Variants in MCTP2 observed in about 807,000 individuals in gnomAD.
MCTP2 encodes the protein multiple C2 and transmembrane domain containing 2.
MCTP2 carries 132 observed loss-of-function variants against 111.6 expected under a neutral mutation model. The ratio of observed to expected loss-of-function variants is 1.18; its 90% CI spans 1.03 to 1.37. The LOEUF (loss-of-function observed/expected upper bound fraction) is 1.37. Among genes scored for constraint, MCTP2 ranks in the 40% most tolerant of loss-of-function variants. The pLI, the probability that MCTP2 is intolerant of heterozygous loss-of-function variation, is 0.00. For synonymous variants in MCTP2, 395 were observed against 387.7 expected (o/e 1.02, Z -0.22); for missense variants, 1,183 against 1,067.9 (o/e 1.11, Z -1.50).
chr15:94,411,428 G>A (rs922163214), intron 17 of MCTP2, among the ~76,000 whole-genome samples: 8 of 152,120 alleles, frequency 5.3e-5, no homozygotes, highest in African/African-American at 9.7e-5. Flanking sequence ...CTTGGCAAGC[G>A]GAGGGCCCTT....
In MCTP2 at chr15:94,236,377, C is replaced by CTTTTTTTTTTTTTTTTTTTTTTTTT. The variant is rs71132992; in HGVS notation, c.-66+4717_-66+4741dup. Among the ~76,000 whole-genome samples the CTTTTTTTTTTTTTTTTTTTTTTTTT allele has an allele frequency of 2.8e-5, 2 of 72,464 alleles. 1 individual carries two copies. Among genetic ancestry groups the CTTTTTTTTTTTTTTTTTTTTTTTTT allele is most frequent in the Non-Finnish European group, 5.1e-5 (2 of 39,430 alleles). 47.5% of individuals were successfully genotyped at this position (72,464 alleles called of 152,430 possible). A position where few individuals can be genotyped will look rare whatever the true frequency, so the allele number is the denominator to read the frequency against. On this transcript the variant is annotated intron_variant, in intron 1 of 22. Transcript: ENST00000357742. ...TATGATTCAATCCTTTCTTTTTTTT[C>CTTTTTTTTTTTTTTTTTTTTTTTTT]TTTTTTTTTTTTTTTTTTTTTTTTT...
intron 1 of MCTP2, among the ~76,000 whole-genome samples, chr15:94,296,617 C>A (rs758796769): frequency 1.3e-5 from 2 of 152,144 alleles, no homozygotes; most frequent in East Asian, 1.9e-4. Context: ...GATAGAGACA[C>A]CTTTCTGTGT....
At chr15:94,444,733 G>A (rs1042021820) in intron 19 of MCTP2, among the ~76,000 whole-genome samples, 2 of 152,218 alleles carry the variant, frequency 1.3e-5, no homozygotes, top group Non-Finnish European at 2.9e-5. Flanking sequence ...CAGGGACAAA[G>A]AACAAGCATA....
Position 94,245,270 on chromosome 15 carries a change from A to G in MCTP2, c.-66+13606A>G, listed in dbSNP as rs1331079366. 2.9e-5 allele frequency among the ~76,000 whole-genome samples: 4 copies of G among 136,918 alleles called. No individual in the cohort carries two copies. In the South Asian group the frequency reaches 6.6e-4, roughly 23 times the overall value. 89.8% of individuals were successfully genotyped at this position (136,918 alleles called of 152,430 possible). ...CACATATGTATATATACATATGTGT[A>G]TATACGTATATACACATATGTATAT... On this transcript the variant is annotated intron_variant, in intron 1 of 22. Coordinates refer to ENST00000357742, the MANE Select transcript of MCTP2 (RefSeq NM_001385001.1).
intron 2 of MCTP2, among the ~76,000 whole-genome samples, chr15:94,302,404 G>A (rs1313668745): frequency 6.6e-6 from 1 of 152,210 alleles, no homozygotes; most frequent in Non-Finnish European, 1.5e-5. Flanking sequence ...TGGGGAATTG[G>A]AATGATGGGG....
At position 94,315,590 on chromosome 15, in the gene MCTP2, C is replaced by G. The variant is rs913169805; in HGVS notation, c.590C>G (p.Thr197Ser). 6.2e-7 allele frequency: 1 copy of G among 1,614,140 alleles called. No individual in the cohort carries two copies. The highest frequency in any genetic ancestry group is 1.3e-5 in the African/African-American group (1 of 75,026). Reference sequence around the variant, plus strand: ...CCCAGCCCTTTTGCGTACCTCCTCACCATACACCTGAAGGAAGGCCGGAAC... The same window carrying G: ...CCCAGCCCTTTTGCGTACCTCCTCAGCATACACCTGAAGGAAGGCCGGAAC... ...NLPSPFAYLL[T>S]IHLKEGRNLV... Residue 197 changes from threonine to serine, a missense_variant, in exon 4 of 23, where the codon ACC becomes AGC. Thr to Ser is a moderately conservative substitution (Grantham distance 58, BLOSUM62 1). Coordinates refer to ENST00000357742, the MANE Select transcript of MCTP2 (RefSeq NM_001385001.1).
intron 1 of MCTP2, among the ~76,000 whole-genome samples, chr15:94,297,617 G>A (rs990679922): frequency 6.6e-6 from 1 of 152,096 alleles, no homozygotes; most frequent in African/African-American, 2.4e-5. Context: ...GGATCAGCAA[G>A]CCACAGTCTG....
At chr15:94,435,629 C>CTTTTTTTTTTTTTTTTTTTTTT (rs202170550) in intron 17 of MCTP2, among the ~76,000 whole-genome samples, 2 of 117,928 alleles carry the variant, frequency 1.7e-5, no homozygotes, top group Admixed American at 8.6e-5. Context: ...TTTTTTTATT[C>CTTTTTTTTTTTTTTTTTTTTTT]TTTTTTTTTT....
At chr15:94,353,355 G>T (rs939555565) in intron 8 of MCTP2, among the ~76,000 whole-genome samples, 2 of 152,088 alleles carry the variant, frequency 1.3e-5, no homozygotes, top group Non-Finnish European at 2.9e-5. Flanking sequence ...ATGCTGTTCC[G>T]CCATATGGAA....
At chr15:94,456,325 G>GA (rs889154689) in intron 19 of MCTP2, among the ~76,000 whole-genome samples, 10 of 151,884 alleles carry the variant, frequency 6.6e-5, no homozygotes, top group African/African-American at 1.9e-4. Context: ...GTTTCACAGG[G>GA]AAAAAAAATT....
chr15:94,273,285 G>C (rs2074010783), intron 1 of MCTP2, among the ~76,000 whole-genome samples: 1 of 152,204 alleles, frequency 6.6e-6, no homozygotes. Context: ...AATTAACCAT[G>C]TGCTGGGCCA....
chr15:94,254,379 G>A (rs1171057974), intron 1 of MCTP2, among the ~76,000 whole-genome samples: 1 of 152,136 alleles, frequency 6.6e-6, no homozygotes, highest in Middle Eastern at 3.2e-3. Context: ...AACCTGGTTC[G>A]AATCCTGGCA....
intron 1 of MCTP2, among the ~76,000 whole-genome samples, chr15:94,285,448 C>CT (rs1317831250): frequency 6.6e-6 from 1 of 152,200 alleles, no homozygotes. Flanking sequence ...AAGGGCCAAC[C>CT]TTGCAGGCAG....
At chr15:94,454,967 T>C (rs569827345) in intron 19 of MCTP2, among the ~76,000 whole-genome samples, 48 of 152,250 alleles carry the variant, frequency 3.2e-4, no homozygotes, top group African/African-American at 1.0e-3. Flanking sequence ...ATTACAGGCA[T>C]GTGCCACCAC....
intron 15 of MCTP2, chr15:94,399,657 T>C: frequency 2.9e-6 from 1 of 348,044 alleles, no homozygotes. Flanking sequence ...CCTCAATCTC[T>C]GCAGTGGTTG....
At chr15:94,249,067 C>A (rs1383560372) in intron 1 of MCTP2, among the ~76,000 whole-genome samples, 1 of 152,132 alleles carries the variant, frequency 6.6e-6, no homozygotes, top group African/African-American at 2.4e-5. Context: ...CTCTCTGGAG[C>A]TTCTGTTCTG....
At chr15:94,286,025 A>G (rs1160627000) in intron 1 of MCTP2, among the ~76,000 whole-genome samples, 2 of 152,344 alleles carry the variant, frequency 1.3e-5, no homozygotes, top group East Asian at 3.9e-4. Context: ...TAGATTACAC[A>G]TTTAGTAAAA....
At chr15:94,360,947 G>A (rs1482897190) in intron 10 of MCTP2, among the ~76,000 whole-genome samples, 1 of 151,022 alleles carries the variant, frequency 6.6e-6, no homozygotes, top group Non-Finnish European at 1.5e-5. Context: ...GCTTTACCCT[G>A]CCTCGAGCTT....
Position 94,384,047 on chromosome 15 carries a change from G to A in MCTP2, c.1608G>A (p.Leu536=). The A allele has an allele frequency of 6.2e-7, 1 of 1,613,772 alleles. No homozygotes were observed. The highest frequency in any genetic ancestry group is 1.1e-5 in the South Asian group (1 of 91,070). The change falls in exon 13 of 23, where the codon TTG becomes TTA. Residue 536 remains leucine, a synonymous_variant. Transcript: ENST00000357742. ...GGAAGAGTGACCCATTTTGCTTGTT[G>A]GAGTTAGGCAATGACCGACTTCAGA... ...FSGKSDPFCL[L]ELGNDRLQTH...
Sources: allele counts gnomAD v4.1 joint callset (sites outside exome capture counted in the v4.1 genomes callset), GRCh38; gene constraint gnomAD v4.1.1; transcripts MANE v1.5; gene names NCBI Gene and HGNC (gene_info 2026-07-23, HGNC 2026-07-21).